The following SPINK5 variants were observed in gnomAD, a reference collection of about 807,000 sequenced individuals.
SPINK5 encodes the protein serine peptidase inhibitor Kazal type 5.
A neutral mutation model predicts 151.8 loss-of-function variants in SPINK5; 125 were observed. That is an observed-to-expected ratio of 0.82 (90% CI 0.71 to 0.96). The LOEUF (loss-of-function observed/expected upper bound fraction) is 0.96, where lower values mean the gene tolerates loss of function less well. Among genes scored for constraint, SPINK5 ranks in the 40% least tolerant of loss-of-function variants. SPINK5 has a pLI of 0.00. For synonymous variants in SPINK5, 374 were observed against 395.3 expected (o/e 0.95, Z 0.64); for missense variants, 1,194 against 1,291.9 (o/e 0.92, Z 1.16).
At chr5:148,105,783 ATT>A (rs5872059) in intron 16 of SPINK5, among the ~76,000 whole-genome samples, 208 of 130,542 alleles carry the variant, frequency 1.6e-3, no homozygotes, top group Admixed American at 2.8e-3. Context: ...TGCCCAGCTA[ATT>A]TTTTTTTTTT....
At chr5:148,136,110 G>A (rs982378851) in intron 32 of SPINK5, among the ~76,000 whole-genome samples, 7 of 152,044 alleles carry the variant, frequency 4.6e-5, no homozygotes, top group African/African-American at 1.7e-4. Context: ...CAATTCCAGT[G>A]CTCTACTACC....
At chr5:148,136,467 G>A (rs1011372766) in intron 32 of SPINK5, among the ~76,000 whole-genome samples, 3 of 151,974 alleles carry the variant, frequency 2.0e-5, no homozygotes, top group African/African-American at 4.8e-5. Flanking sequence ...TGAGGCCCTC[G>A]CCCCCTTTAA....
rs544083390 is a variant in SPINK5 at position 148,104,607 on chromosome 5, C to T, written c.1431-345C>T. Among the ~76,000 whole-genome samples the T allele has an allele frequency of 1.5e-3, 229 of 152,070 alleles. 2 individuals carry two copies. The highest frequency in any genetic ancestry group is 4.9e-3 in the African/African-American group (203 of 41,490). On this transcript the variant is annotated intron_variant, in intron 15 of 32. Coordinates refer to ENST00000256084, the MANE Select transcript of SPINK5 (RefSeq NM_006846.4). Reference sequence around the variant, plus strand: ...GGATCTAGTCTACTATATTAAGATCCATTTCTGGCCAGGCACGGTGGCTCA... The same window carrying T: ...GGATCTAGTCTACTATATTAAGATCTATTTCTGGCCAGGCACGGTGGCTCA...
chr5:148,072,189 C>G lies in SPINK5; in HGVS notation c.251C>G (p.Ala84Gly). ...TCACAGAAGAGGGCCAGGCATTTAGCAAGAGCTCCCAAGGCTACTGCCCCA... is the reference window on the plus strand; with the variant it reads ...TCACAGAAGAGGGCCAGGCATTTAGGAAGAGCTCCCAAGGCTACTGCCCCA... ...AKSQKRARHL[A>G]RAPKATAPTE... The change falls in exon 4 of 33, where the codon GCA becomes GGA. Residue 84 changes from alanine to glycine, a missense_variant. Coordinates refer to ENST00000256084, the MANE Select transcript of SPINK5 (RefSeq NM_006846.4). 6.2e-7 allele frequency: 1 copy of G among 1,612,338 alleles called. No homozygotes were observed. The highest frequency in any genetic ancestry group is 1.1e-5 in the South Asian group (1 of 91,064).
At chr5:148,093,109 C>T (rs1447982474) in intron 8 of SPINK5, among the ~76,000 whole-genome samples, 1 of 151,900 alleles carries the variant, frequency 6.6e-6, no homozygotes, top group East Asian at 1.9e-4. Flanking sequence ...TGACGAAGGT[C>T]ACACAGTTGA....
intron 22 of SPINK5, 120 bp from the exon 23 acceptor site, chr5:148,118,317 A>G: frequency 1.4e-6 from 2 of 1,479,140 alleles, no homozygotes; most frequent in Non-Finnish European, 1.9e-6. Flanking sequence ...GTACCCGGCA[A>G]TGTTATGTTT....
At chr5:148,098,854 C>G (rs759845484) in intron 11 of SPINK5, among the ~76,000 whole-genome samples, 17 of 152,052 alleles carry the variant, frequency 1.1e-4, no homozygotes, top group Non-Finnish European at 2.1e-4. Context: ...CTCTGATTAA[C>G]AAGGGGATGA....
Position 148,086,462 on chromosome 5 carries a change from T to G in SPINK5, c.340T>G (p.Tyr114Asp). Residue 114 changes from tyrosine to aspartate, a missense_variant, in exon 5 of 33, where the codon TAT becomes GAT. Transcript: ENST00000256084. The stretch of plus-strand genomic sequence containing the variant: ...AGATGGGGATTTTATCTGTCCTGAT[T>G]ATTATGAAGCTGTTTGTGGCACAGA... ...ERDGDFICPD[Y>D]YEAVCGTDGK... 6.2e-7 allele frequency: 1 copy of G among 1,611,984 alleles called. No individual in the cohort carries two copies. The highest frequency in any genetic ancestry group is 8.5e-7 in the Non-Finnish European group (1 of 1,178,792).
intron 7 of SPINK5, chr5:148,090,576 A>G (rs2113073340): frequency 6.6e-6 from 1 of 152,140 alleles, no homozygotes; most frequent in Non-Finnish European, 1.5e-5. Context: ...TGAGATAGCC[A>G]CACCTATCTC....
intron 20 of SPINK5, 36 bp downstream of exon 20, chr5:148,112,970 A>G (rs1753983601): frequency 6.2e-7 from 1 of 1,611,740 alleles, no homozygotes; most frequent in South Asian, 1.1e-5. Flanking sequence ...CAATGAAAGG[A>G]TGAGATTTTG....
intron 30 of SPINK5, 22 bp from the exon 31 acceptor site, chr5:148,131,237 G>C (rs760844973): frequency 6.2e-7 from 1 of 1,613,332 alleles, no homozygotes; most frequent in South Asian, 1.1e-5. Context: ...AAGTACGTCT[G>C]CTTTATTTTT....
At chr5:148,108,215 C>T (rs1194016222) in intron 17 of SPINK5, among the ~76,000 whole-genome samples, 2 of 152,192 alleles carry the variant, frequency 1.3e-5, no homozygotes, top group East Asian at 3.8e-4. Context: ...GTTCAACCCC[C>T]AAAGATTAGC....
intron 20 of SPINK5, among the ~76,000 whole-genome samples, 179 bp downstream of exon 20, chr5:148,113,113 A>G (rs974120514): frequency 6.6e-6 from 1 of 152,166 alleles, no homozygotes; most frequent in Non-Finnish European, 1.5e-5. Flanking sequence ...TTTTGTGGCC[A>G]TAGAATCTCT....
chr5:148,119,107 C>G (rs1246065601), intron 24 of SPINK5, 49 bp downstream of exon 24: 3 of 1,558,414 alleles, frequency 1.9e-6, no homozygotes, highest in Non-Finnish European at 2.7e-6. Context: ...TGTGAGTCAG[C>G]AGTTGGCGAT....
intron 12 of SPINK5, 38 bp downstream of exon 12, chr5:148,099,353 A>G (rs370130605): frequency 1.3e-5 from 20 of 1,589,362 alleles, no homozygotes; most frequent in Non-Finnish European, 1.7e-5. Context: ...ATTTGGTGCT[A>G]TAATTTGAAC....
At chr5:148,074,973 T>A (rs959514730) in intron 4 of SPINK5, among the ~76,000 whole-genome samples, 2 of 151,788 alleles carry the variant, frequency 1.3e-5, no homozygotes, top group Non-Finnish European at 2.9e-5. Context: ...CAGGTTAATC[T>A]TATGTCAGAC....
intron 32 of SPINK5, 138 bp downstream of exon 32, chr5:148,134,025 C>T (rs1270866830): frequency 6.4e-6 from 5 of 781,346 alleles, no homozygotes; most frequent in Non-Finnish European, 1.1e-5. Flanking sequence ...GAATTGGTCA[C>T]ATTTTCACTA....
chr5:148,107,290 G>A (rs1753809305), intron 17 of SPINK5, 126 bp downstream of exon 17: 1 of 1,291,824 alleles, frequency 7.7e-7, no homozygotes, highest in Non-Finnish European at 1.1e-6. Flanking sequence ...ACAAGCAGAT[G>A]GATAAGACAT....
chr5:148,119,150 A>G, intron 24 of SPINK5, 92 bp downstream of exon 24: 1 of 1,274,226 alleles, frequency 7.8e-7, no homozygotes, highest in South Asian at 1.2e-5. Context: ...AACATGATCA[A>G]GCTAGAGCTT....
Sources: gnomAD v4.1 joint callset for allele counts (sites outside exome capture counted in the v4.1 genomes callset) on GRCh38, gnomAD v4.1.1 for gene constraint, MANE v1.5 for transcripts, NCBI Gene and HGNC (gene_info 2026-07-23, HGNC 2026-07-21) for gene names.